Variants in AKT3 observed in about 807,000 individuals in gnomAD.
AKT3 encodes the protein AKT serine/threonine kinase 3.
AKT3 carries 15 observed loss-of-function variants against 65.3 expected under a neutral mutation model. That is an observed-to-expected ratio of 0.23 (90% CI 0.15 to 0.35). The LOEUF is 0.35. Ranked by LOEUF, AKT3 falls within the 10% of genes least tolerant of loss-of-function variation. The pLI is 1.00. For synonymous variants in AKT3, 206 were observed against 183.8 expected, an observed-to-expected ratio of 1.12 and a Z score of -0.98; for missense variants, 243 against 576.5, an observed-to-expected ratio of 0.42 and a Z score of 5.92.
chr1:243,539,016 A>G (rs767651505), intron 12 of AKT3, among the ~76,000 whole-genome samples: 90 of 152,198 alleles, frequency 5.9e-4, no homozygotes, highest in Non-Finnish European at 1.1e-3. Flanking sequence ...ACAAGTAGGC[A>G]GAAAATCAGT....
At chr1:243,842,838 C>A (rs987035733) in intron 2 of AKT3, among the ~76,000 whole-genome samples, 9 of 152,116 alleles carry the variant, frequency 5.9e-5, no homozygotes, top group South Asian at 2.1e-4. Context: ...GATTACAGAA[C>A]CTGTAGACAC....
intron 2 of AKT3, among the ~76,000 whole-genome samples, chr1:243,816,823 A>G (rs1401013918): frequency 1.3e-5 from 2 of 152,222 alleles, no homozygotes; most frequent in Non-Finnish European, 2.9e-5. Context: ...ACAAATGTCT[A>G]ATCAAAGATA....
At chr1:243,776,282 C>G (rs1690540750) in intron 2 of AKT3, among the ~76,000 whole-genome samples, 1 of 152,172 alleles carries the variant, frequency 6.6e-6, no homozygotes, top group South Asian at 2.1e-4. Context: ...CTGCTGCATG[C>G]TTTCCATAAA....
chr1:243,720,875 T>C (rs1185172799), intron 2 of AKT3, among the ~76,000 whole-genome samples: 1 of 152,150 alleles, frequency 6.6e-6, no homozygotes, highest in African/African-American at 2.4e-5. Context: ...TTTAAAGTAC[T>C]TGCCACACCA....
At chr1:243,681,394 A>G (rs1212867751) in intron 3 of AKT3, among the ~76,000 whole-genome samples, 2 of 152,142 alleles carry the variant, frequency 1.3e-5, no homozygotes, top group African/African-American at 2.4e-5. Context: ...AGAAGAAAGG[A>G]CTTTAGAGAT....
At chr1:243,843,453 C>T (rs1695370947) in intron 1 of AKT3, 171 bp from the exon 2 acceptor site, 3 of 1,078,300 alleles carry the variant, frequency 2.8e-6, no homozygotes, top group Non-Finnish European at 3.5e-6. Context: ...GAAAGCACTT[C>T]CCTAGTCTTG....
intron 1 of AKT3, 46 bp downstream of exon 1, chr1:243,849,994 G>GAGGCC: frequency 1.0e-6 from 1 of 981,206 alleles, no homozygotes; most frequent in African/African-American, 1.8e-5. Flanking sequence ...GGAGGGAGTG[G>GAGGCC]AGGCCAGGCG....
intron 8 of AKT3, among the ~76,000 whole-genome samples, chr1:243,598,448 G>T (rs1167966980): frequency 6.6e-6 from 1 of 152,078 alleles, no homozygotes; most frequent in African/African-American, 2.4e-5. Context: ...AATGTAAAAT[G>T]CATTAACTCA....
chr1:243,743,096 C>T (rs560091250), intron 2 of AKT3, among the ~76,000 whole-genome samples: 4 of 152,238 alleles, frequency 2.6e-5, no homozygotes, highest in South Asian at 2.1e-4. Context: ...AGGAAGTGCA[C>T]GGAAGGCTCG....
intron 9 of AKT3, 51 bp from the exon 10 acceptor site, chr1:243,563,899 GA>G: frequency 6.5e-7 from 1 of 1,530,346 alleles, no homozygotes. Flanking sequence ...TCAACAACAT[GA>G]AAATACCATT....
intron 11 of AKT3, among the ~76,000 whole-genome samples, chr1:243,549,244 T>G (rs1227509049): frequency 6.6e-6 from 1 of 152,176 alleles, no homozygotes; most frequent in South Asian, 2.1e-4. Context: ...AAAGTTATTA[T>G]CAACATCTAG....
At chr1:243,582,563 A>C (rs1675458681) in intron 8 of AKT3, among the ~76,000 whole-genome samples, 1 of 152,128 alleles carries the variant, frequency 6.6e-6, no homozygotes, top group Non-Finnish European at 1.5e-5. Flanking sequence ...AGCACAAAGG[A>C]ATTTGTTACA....
chr1:243,844,660 G>C (rs569870292), intron 1 of AKT3, among the ~76,000 whole-genome samples: 23 of 152,196 alleles, frequency 1.5e-4, no homozygotes, highest in Admixed American at 1.4e-3. Flanking sequence ...AAAAATTTTT[G>C]TGGAGATGGG....
At position 243,545,717 on chromosome 1, in the gene AKT3, G is replaced by C. The variant is rs1574579308; in HGVS notation, c.1164-120C>G. On this transcript the variant is annotated intron_variant, in intron 11 of 13. Coordinates refer to ENST00000673466, the MANE Select transcript of AKT3 (RefSeq NM_005465.7). ...TAATAAACAGTTCTTGGGATAAATA[G>C]CTCTAAAAGTAAAAAGCTTTTGCTA... is the stretch of plus-strand genomic sequence containing the variant. 6.1e-6 allele frequency: 4 copies of C among 658,224 alleles called. No individual in the cohort carries two copies. In the East Asian group the frequency reaches 1.1e-4, roughly 18 times the overall value. 40.8% of individuals were successfully genotyped at this position (658,224 alleles called of 1,614,324 possible).
intron 6 of AKT3, among the ~76,000 whole-genome samples, chr1:243,629,500 T>C (rs998723235): frequency 1.1e-4 from 17 of 151,904 alleles, no homozygotes; most frequent in African/African-American, 3.6e-4. Context: ...TAAGTAGATA[T>C]GGGAGATATT....
At chr1:243,846,041 C>G (rs1695506188) in intron 1 of AKT3, among the ~76,000 whole-genome samples, 1 of 152,172 alleles carries the variant, frequency 6.6e-6, no homozygotes, top group Non-Finnish European at 1.5e-5. Flanking sequence ...AAGTTAAAAT[C>G]TACGGAGTAT....
rs189521340 is a variant in AKT3 at position 243,774,293 on chromosome 1, G to C, written c.46+68832C>G. 1.4e-3 allele frequency among the ~76,000 whole-genome samples: 210 copies of C among 152,120 alleles called. 1 individual carries two copies. The highest frequency in any genetic ancestry group is 4.9e-3 in the African/African-American group (202 of 41,496). On this transcript the variant is annotated intron_variant, in intron 2 of 13. Transcript: ENST00000673466. Reference sequence around the variant, plus strand: ...TTTCCACATAGTTCCACATTTGCAGGCTCCACTCCTTTCACAAGAATTTTT... The same window carrying C: ...TTTCCACATAGTTCCACATTTGCAGCCTCCACTCCTTTCACAAGAATTTTT...
intron 4 of AKT3, among the ~76,000 whole-genome samples, chr1:243,654,301 TTATA>T (rs148235010): frequency 0.029 from 4,348 of 152,306 alleles, 75 homozygotes; most frequent in Middle Eastern, 0.051. Context: ...TATTTTTCAC[TTATA>T]TAATTAAAAC....
chr1:243,582,302 C>A (rs1675422451), intron 8 of AKT3, among the ~76,000 whole-genome samples: 1 of 151,526 alleles, frequency 6.6e-6, no homozygotes, highest in Admixed American at 6.6e-5. Flanking sequence ...ACCAGACTGT[C>A]CAAGGTCAAC....
Sources: allele counts gnomAD v4.1 joint callset (sites outside exome capture counted in the v4.1 genomes callset), GRCh38; gene constraint gnomAD v4.1.1; transcripts MANE v1.5; gene names NCBI Gene and HGNC (gene_info 2026-07-23, HGNC 2026-07-21).